The following NRXN3 variants were observed in gnomAD, a reference collection of about 807,000 sequenced individuals.
NRXN3 encodes the protein neurexin III.
Under a neutral mutation model 137.6 loss-of-function variants are expected in NRXN3, and 32 were observed. That is an observed-to-expected ratio of 0.23 (90% CI 0.18 to 0.31). The LOEUF is 0.31. Ranked by LOEUF, NRXN3 falls within the 10% of genes least tolerant of loss-of-function variation. NRXN3 has a pLI of 1.00. For synonymous variants in NRXN3, 798 were observed against 784.5 expected, an observed-to-expected ratio of 1.02 and a Z score of -0.29; for missense variants, 1,574 against 2,062.5, an observed-to-expected ratio of 0.76 and a Z score of 4.59.
intron 4 of NRXN3, among the ~76,000 whole-genome samples, chr14:78,463,870 T>G (rs6574447): frequency 6.6e-6 from 1 of 150,928 alleles, no homozygotes; most frequent in Non-Finnish European, 1.5e-5. Flanking sequence ...GCCAGCCACA[T>G]ATTATTTTAT....
At chr14:79,122,649 G>T (rs1440889446) in intron 15 of NRXN3, among the ~76,000 whole-genome samples, 1 of 151,964 alleles carries the variant, frequency 6.6e-6, no homozygotes. Context: ...CTTGGAATAT[G>T]TAGTGATTAG....
At chr14:79,418,237 G>A (rs2095525673) in intron 15 of NRXN3, among the ~76,000 whole-genome samples, 1 of 152,070 alleles carries the variant, frequency 6.6e-6, no homozygotes, top group African/African-American at 2.4e-5. Flanking sequence ...TTCAGTTAGA[G>A]GGGTGCTGAC....
intron 15 of NRXN3, among the ~76,000 whole-genome samples, chr14:79,008,339 T>A (rs1281672307): frequency 6.6e-6 from 1 of 152,172 alleles, no homozygotes; most frequent in Non-Finnish European, 1.5e-5. Flanking sequence ...TTAACAAGCG[T>A]CAACATTTTG....
intron 4 of NRXN3, among the ~76,000 whole-genome samples, chr14:78,331,771 G>A (rs1352590952): frequency 6.6e-6 from 1 of 152,170 alleles, no homozygotes; most frequent in Non-Finnish European, 1.5e-5. Context: ...AGTGTGCAGA[G>A]GGTAAGCTGT....
At chr14:79,211,068 A>C (rs2067585628) in intron 15 of NRXN3, among the ~76,000 whole-genome samples, 1 of 152,102 alleles carries the variant, frequency 6.6e-6, no homozygotes, top group Non-Finnish European at 1.5e-5. Flanking sequence ...TCTTTGGACA[A>C]GTATGTTAAT....
intron 16 of NRXN3, among the ~76,000 whole-genome samples, chr14:79,624,791 GTT>G (rs56285610): frequency 5.0e-5 from 6 of 121,020 alleles, no homozygotes; most frequent in East Asian, 4.3e-4. Context: ...TTTCTTTCCC[GTT>G]TTTTTTTTTG....
intron 15 of NRXN3, among the ~76,000 whole-genome samples, chr14:79,409,453 T>C (rs1216162072): frequency 6.6e-6 from 1 of 150,448 alleles, no homozygotes; most frequent in South Asian, 2.1e-4. Context: ...TGTAGGTATA[T>C]GTATACATAT....
chr14:79,786,679 C>T lies in NRXN3; in HGVS notation c.4015-18433C>T, dbSNP rs907219764. Among the ~76,000 whole-genome samples the T allele has an allele frequency of 5.9e-5, 9 of 152,070 alleles. No homozygotes were observed. The East Asian group carries it at 1.3e-3, about 23-fold the overall frequency. On this transcript the variant is annotated intron_variant, in intron 19 of 20. Coordinates refer to ENST00000335750, the MANE Select transcript of NRXN3 (RefSeq NM_001330195.2). ...CCCCTGCATGCATTAATGTGTGCGT[C>T]GAAGGGAAGAAGAGCAAGGGATGAT...
rs1166435006 is a variant in NRXN3 at position 79,697,611 on chromosome 14, C to T, written c.3707-19C>T. On this transcript the variant is annotated intron_variant, in intron 18 of 20. Transcript: ENST00000335750. ...AAAACGTATGAGAATAATAATGTTT[C>T]CTCCACCCAACCCACTAGGCCGGCA... The T allele has an allele frequency of 6.2e-7, 1 of 1,604,832 alleles. No homozygotes were observed. The highest frequency in any genetic ancestry group is 8.5e-7 in the Non-Finnish European group (1 of 1,174,628).
intron 15 of NRXN3, among the ~76,000 whole-genome samples, chr14:78,993,835 T>C (rs79518468): frequency 2.2e-5 from 1 of 46,264 alleles, no homozygotes; most frequent in Non-Finnish European, 3.5e-5. Flanking sequence ...AGCCTTGAAA[T>C]TTTTTTTTTT....
At chr14:78,819,755 GAGCTAC>G (rs2098945200) in intron 10 of NRXN3, among the ~76,000 whole-genome samples, 2 of 152,130 alleles carry the variant, frequency 1.3e-5, no homozygotes, top group Admixed American at 1.3e-4. Flanking sequence ...AAGTTAATTT[GAGCTAC>G]AGCTCATAAA....
At chr14:78,301,405 C>T (rs546758190) in intron 4 of NRXN3, among the ~76,000 whole-genome samples, 26 of 152,264 alleles carry the variant, frequency 1.7e-4, no homozygotes, top group Non-Finnish European at 3.7e-4. Flanking sequence ...TGCAAACTTG[C>T]GCCAACACTC....
intron 10 of NRXN3, among the ~76,000 whole-genome samples, chr14:78,951,460 T>C (rs2099386934): frequency 6.6e-6 from 1 of 151,974 alleles, no homozygotes; most frequent in South Asian, 2.1e-4. Context: ...AGGACAAGAG[T>C]AGAGAAGTCA....
chr14:78,649,366 T>A, intron 5 of NRXN3: 2 of 796,948 alleles, frequency 2.5e-6, no homozygotes, highest in Non-Finnish European at 3.6e-6. Context: ...GTTGCCCCCC[T>A]TTTCCTCTCC....
At chr14:78,257,571 A>C (rs1416303505) in intron 2 of NRXN3, among the ~76,000 whole-genome samples, 2 of 152,236 alleles carry the variant, frequency 1.3e-5, no homozygotes, top group Non-Finnish European at 2.9e-5. Context: ...TGGAAGCATT[A>C]ATTGGGAGAC....
chr14:79,432,360 A>G (rs908285156), intron 15 of NRXN3, among the ~76,000 whole-genome samples: 1 of 152,154 alleles, frequency 6.6e-6, no homozygotes, highest in Non-Finnish European at 1.5e-5. Flanking sequence ...ATAACCTGCT[A>G]CCTCAGCTTC....
intron 20 of NRXN3, among the ~76,000 whole-genome samples, chr14:79,833,046 A>C (rs2141283197): frequency 6.6e-6 from 1 of 152,244 alleles, no homozygotes. Context: ...AGGAAATTGG[A>C]ATCCATGCAA....
chr14:79,689,177 C>T (rs1259812970), intron 17 of NRXN3, among the ~76,000 whole-genome samples: 1 of 151,982 alleles, frequency 6.6e-6, no homozygotes, highest in African/African-American at 2.4e-5. Context: ...ATTGATTTCA[C>T]TCTTTGTTTA....
intron 4 of NRXN3, among the ~76,000 whole-genome samples, chr14:78,364,780 T>C (rs2085654986): frequency 6.6e-6 from 1 of 152,156 alleles, no homozygotes; most frequent in African/African-American, 2.4e-5. Flanking sequence ...CCAAAGAAAC[T>C]GTGGGTGGAG....
Sources: gnomAD v4.1 joint callset for allele counts (sites outside exome capture counted in the v4.1 genomes callset) on GRCh38, gnomAD v4.1.1 for gene constraint, MANE v1.5 for transcripts, NCBI Gene and HGNC (gene_info 2026-07-23, HGNC 2026-07-21) for gene names.